Variants in ASTN2 observed in about 807,000 individuals in gnomAD.
ASTN2 encodes astrotactin 2.
Under a neutral mutation model 139.8 loss-of-function variants are expected in ASTN2, and 54 were observed. The ratio of observed to expected loss-of-function variants is 0.39; its 90% CI spans 0.31 to 0.48. The LOEUF is 0.48. Ranked by LOEUF, ASTN2 falls within the 20% of genes least tolerant of loss-of-function variation. The pLI, the probability that ASTN2 is intolerant of heterozygous loss-of-function variation, is 0.95. For missense variants in ASTN2, 1,565 were observed against 1,725.1 expected, an observed-to-expected ratio of 0.91 and a Z score of 1.64; for synonymous variants, 756 against 719.5, an observed-to-expected ratio of 1.05 and a Z score of -0.81.
At chr9:117,254,010 G>A (rs913827157) in intron 2 of ASTN2, among the ~76,000 whole-genome samples, 2 of 152,158 alleles carry the variant, frequency 1.3e-5, no homozygotes, top group Non-Finnish European at 2.9e-5. Flanking sequence ...ATCCCGACAG[G>A]CTGGGAGAGC....
chr9:117,173,493 G>T (rs1458160767), intron 3 of ASTN2, among the ~76,000 whole-genome samples: 2 of 151,744 alleles, frequency 1.3e-5, no homozygotes, highest in Admixed American at 6.6e-5. Context: ...CATGCTCCAG[G>T]GTACAAAGTA....
intron 5 of ASTN2, among the ~76,000 whole-genome samples, chr9:117,084,728 C>T (rs908675788): frequency 6.6e-6 from 1 of 152,122 alleles, no homozygotes; most frequent in African/African-American, 2.4e-5. Context: ...CATAGGGGCC[C>T]AAAGCCAGGA....
intron 20 of ASTN2, among the ~76,000 whole-genome samples, chr9:116,472,022 A>G (rs936780108): frequency 2.0e-5 from 3 of 151,990 alleles, no homozygotes; most frequent in African/African-American, 7.2e-5. Flanking sequence ...AGCCCCCTGC[A>G]TGGTTCTAAT....
At chr9:116,729,538 A>G (rs993872197) in intron 14 of ASTN2, among the ~76,000 whole-genome samples, 8 of 152,216 alleles carry the variant, frequency 5.3e-5, no homozygotes, top group Admixed American at 5.2e-4. Context: ...CATGTAGACC[A>G]CATGTAAGTA....
At chr9:116,559,085 G>A (rs1181128426) in intron 19 of ASTN2, among the ~76,000 whole-genome samples, 1 of 152,104 alleles carries the variant, frequency 6.6e-6, no homozygotes, top group African/African-American at 2.4e-5. Flanking sequence ...GTGCTTCCTT[G>A]CCAGGCAATG....
chr9:116,894,471 T>G (rs1833836788), intron 10 of ASTN2, among the ~76,000 whole-genome samples: 1 of 152,152 alleles, frequency 6.6e-6, no homozygotes, highest in African/African-American at 2.4e-5. Flanking sequence ...GATAAAATAT[T>G]ACCATTGTTC....
At chr9:116,891,831 C>A (rs1833769872) in intron 10 of ASTN2, among the ~76,000 whole-genome samples, 1 of 152,194 alleles carries the variant, frequency 6.6e-6, no homozygotes, top group African/African-American at 2.4e-5. Flanking sequence ...ATAGGAATAA[C>A]AATACCATCA....
rs191548428 is a variant in ASTN2 at position 116,713,898 on chromosome 9, G to C, written c.2806+11873C>G. ...ACATGGCATAAGGACTTGGAAGTCA[G>C]ACAGCCCTAGGATGGAATCCTGGCT... On this transcript the variant is annotated intron_variant, in intron 16 of 22. Transcript: ENST00000313400. 1.9e-3 allele frequency among the ~76,000 whole-genome samples: 291 copies of C among 152,272 alleles called. 2 individuals are homozygous for C. Among genetic ancestry groups the C allele is most frequent in the Non-Finnish European group, 3.5e-3 (238 of 68,020 alleles).
chr9:117,185,598 G>A (rs1161658220), intron 3 of ASTN2, among the ~76,000 whole-genome samples: 1 of 152,184 alleles, frequency 6.6e-6, no homozygotes, highest in African/African-American at 2.4e-5. Flanking sequence ...ACGTCTCCTG[G>A]TGTGGGGATC....
chr9:116,578,673 C>T (rs1250752793), intron 19 of ASTN2, among the ~76,000 whole-genome samples: 1 of 129,488 alleles, frequency 7.7e-6, no homozygotes, highest in Non-Finnish European at 1.7e-5. Flanking sequence ...TGTGTTTCTA[C>T]TGTACAGTAC....
At chr9:117,242,170 T>A (rs1014283190) in intron 2 of ASTN2, among the ~76,000 whole-genome samples, 3 of 152,078 alleles carry the variant, frequency 2.0e-5, no homozygotes, top group Non-Finnish European at 4.4e-5. Flanking sequence ...GACATTCACA[T>A]TACTATAAAT....
intron 3 of ASTN2, among the ~76,000 whole-genome samples, chr9:117,147,438 A>AAT (rs1554783151): frequency 6.7e-6 from 1 of 148,264 alleles, no homozygotes; most frequent in Non-Finnish European, 1.5e-5. Context: ...TCTGACTCAA[A>AAT]ACACACACAC....
At chr9:116,717,981 C>G (rs1216196739) in intron 16 of ASTN2, among the ~76,000 whole-genome samples, 1 of 152,230 alleles carries the variant, frequency 6.6e-6, no homozygotes, top group African/African-American at 2.4e-5. Context: ...CAGGCACTGG[C>G]TAGGTATTAG....
At chr9:116,500,349 G>A (rs11788366) in intron 19 of ASTN2, among the ~76,000 whole-genome samples, 6,478 of 152,258 alleles carry the variant, frequency 0.043, 221 homozygotes, top group Non-Finnish European at 0.067. Flanking sequence ...GTGAATCTCC[G>A]GAAAGGAATG....
chr9:116,763,334 T>C (rs1310244950), intron 13 of ASTN2, among the ~76,000 whole-genome samples: 1 of 152,206 alleles, frequency 6.6e-6, no homozygotes, highest in Non-Finnish European at 1.5e-5. Flanking sequence ...CTTAAATTTA[T>C]AAGGTATACT....
chr9:117,231,446 C>T (rs1379664603), intron 2 of ASTN2, among the ~76,000 whole-genome samples: 2 of 152,186 alleles, frequency 1.3e-5, no homozygotes, highest in East Asian at 1.9e-4. Context: ...GGTTTTGTGG[C>T]TTCTTACAAG....
chr9:116,634,612 A>T (rs1378122149), intron 17 of ASTN2, among the ~76,000 whole-genome samples: 1 of 148,396 alleles, frequency 6.7e-6, no homozygotes, highest in Admixed American at 6.8e-5. Flanking sequence ...AAAAAAAAAA[A>T]AAAATAAGCA....
chr9:116,739,011 T>TACAC (rs35705356), intron 13 of ASTN2, among the ~76,000 whole-genome samples: 219 of 150,510 alleles, frequency 1.5e-3, no homozygotes, highest in South Asian at 2.7e-3. Context: ...AACATTCACT[T>TACAC]ACACACACAC....
At chr9:117,312,028 A>G (rs1827989722) in intron 1 of ASTN2, among the ~76,000 whole-genome samples, 1 of 152,170 alleles carries the variant, frequency 6.6e-6, no homozygotes, top group South Asian at 2.1e-4. Flanking sequence ...GGCCTTAGTC[A>G]AGTTACCATT....
Sources: allele counts gnomAD v4.1 joint callset (sites outside exome capture counted in the v4.1 genomes callset), GRCh38; gene constraint gnomAD v4.1.1; transcripts MANE v1.5; gene names NCBI Gene and HGNC (gene_info 2026-07-23, HGNC 2026-07-21).